Variants in COL4A2 observed in about 807,000 individuals in gnomAD.
COL4A2 encodes collagen type IV alpha 2 chain.
COL4A2 carries 99 observed loss-of-function variants against 200.2 expected under a neutral mutation model. The ratio of observed to expected loss-of-function variants is 0.49; its 90% confidence interval spans 0.42 to 0.58. COL4A2 has a LOEUF of 0.58. COL4A2 is among the 20% of genes least tolerant of loss of function. COL4A2 has a pLI of 0.00. For synonymous variants in COL4A2, 897 were observed against 900.6 expected (o/e 1.00, Z 0.07); for missense variants, 1,950 against 2,314.1 (o/e 0.84, Z 3.23).
chr13:110,480,167 T>C, intron 30 of COL4A2, 53 bp from the exon 31 acceptor site: 1 of 1,503,698 alleles, frequency 6.7e-7, no homozygotes, highest in Non-Finnish European at 8.9e-7. Context: ...AGAAGAGAAA[T>C]TTCCCCTGTG....
intron 33 of COL4A2, among the ~76,000 whole-genome samples, chr13:110,485,290 G>A (rs567777760): frequency 1.1e-3 from 174 of 152,248 alleles, no homozygotes; most frequent in African/African-American, 4.0e-3. Flanking sequence ...TTGGGAGGCC[G>A]AGGCGGGTGG....
chr13:110,330,551 G>A (rs1173964269), intron 3 of COL4A2, among the ~76,000 whole-genome samples: 1 of 152,186 alleles, frequency 6.6e-6, no homozygotes, highest in African/African-American at 2.4e-5. Context: ...ACCTCCTCAG[G>A]CCAGTATTTC....
In COL4A2 at chr13:110,307,813, C is replaced by G. The variant is rs947487153; in HGVS notation, c.-44-47C>G. On this transcript the variant is annotated intron_variant, in intron 1 of 47. Transcript: ENST00000360467. The surrounding 1 kb of genome is among the most constrained non-coding windows in gnomAD (Gnocchi z 5.0). ...GACCGAGACCGGCGGTGAGGATGGG[C>G]TGCCTCCCTCATCCTGCGCTAAACT... 6.8e-7 allele frequency: 1 copy of G among 1,474,076 alleles called. No individual in the cohort carries two copies. The allele number at this position is 1,474,076 out of a possible 1,614,324, so 91.3% of individuals were successfully genotyped here.
At chr13:110,424,395 G>A (rs925188133) in intron 4 of COL4A2, among the ~76,000 whole-genome samples, 11 of 101,810 alleles carry the variant, frequency 1.1e-4, no homozygotes, top group Non-Finnish European at 2.4e-4. Flanking sequence ...AGATAAAATT[G>A]TAGAAATTCA....
intron 3 of COL4A2, among the ~76,000 whole-genome samples, chr13:110,330,984 T>A (rs560223002): frequency 6.6e-6 from 1 of 152,252 alleles, no homozygotes; most frequent in East Asian, 1.9e-4. Context: ...CCATCACTAC[T>A]CATGAAATTG....
At chr13:110,446,920 T>C in intron 18 of COL4A2, 56 bp downstream of exon 18, 1 of 1,446,294 alleles carries the variant, frequency 6.9e-7, no homozygotes, top group Non-Finnish European at 9.6e-7. Flanking sequence ...TCTCTCCTGT[T>C]AGGGACACAG....
At chr13:110,459,826 C>G (rs1881951703) in intron 22 of COL4A2, 1 of 151,994 alleles carries the variant, frequency 6.6e-6, no homozygotes, top group African/African-American at 2.4e-5. Flanking sequence ...AGAACTGATT[C>G]AGCATTGTTG....
intron 3 of COL4A2, among the ~76,000 whole-genome samples, chr13:110,318,499 A>G (rs1049374542): frequency 1.1e-4 from 16 of 152,296 alleles, no homozygotes; most frequent in South Asian, 1.0e-3. Flanking sequence ...GCAAGCACCT[A>G]TAAGAGCCCC....
intron 3 of COL4A2, among the ~76,000 whole-genome samples, chr13:110,315,158 G>C (rs942205603): frequency 6.6e-6 from 1 of 152,166 alleles, no homozygotes; most frequent in East Asian, 1.9e-4. Context: ...CCTTAGCCCC[G>C]GGGGGATAAG....
intron 4 of COL4A2, among the ~76,000 whole-genome samples, chr13:110,419,684 TG>T (rs1462340637): frequency 6.6e-6 from 1 of 152,220 alleles, no homozygotes. Context: ...CTTTTCAGAC[TG>T]CAGCTTCCAA....
Position 110,353,737 on chromosome 13 carries a change from C to T in COL4A2, c.100-3735C>T, listed in dbSNP as rs117926289. Among the ~76,000 whole-genome samples, 16 of 152,344 alleles carry T rather than the reference C, an allele frequency of 1.1e-4. No homozygotes were observed. In the East Asian group the frequency reaches 3.1e-3, roughly 29 times the overall value. On this transcript the variant is annotated intron_variant, in intron 3 of 47. Coordinates refer to ENST00000360467, the MANE Select transcript of COL4A2 (RefSeq NM_001846.4). ...TAAATGTTGGAATTCCTAAGACTCT[C>T]TCTGGAGGACAGGTAAGATGTCAGT...
At chr13:110,313,328 T>C (rs1452209086) in intron 3 of COL4A2, among the ~76,000 whole-genome samples, 1 of 152,140 alleles carries the variant, frequency 6.6e-6, no homozygotes, top group Non-Finnish European at 1.5e-5. Context: ...TAATTTTTAT[T>C]TTGGTTACCC....
intron 3 of COL4A2, among the ~76,000 whole-genome samples, chr13:110,311,754 G>A (rs933497567): frequency 3.3e-5 from 5 of 152,232 alleles, no homozygotes; most frequent in Admixed American, 3.3e-4. Flanking sequence ...CAGCCTGAGG[G>A]ATCAAATATG....
At chr13:110,504,021 C>T (rs566440483) in intron 44 of COL4A2, 28 bp downstream of exon 44, 2 of 1,552,350 alleles carry the variant, frequency 1.3e-6, no homozygotes, top group African/African-American at 1.4e-5. Flanking sequence ...GGCCTGGAGC[C>T]CCTCGGGGCT....
intron 4 of COL4A2, among the ~76,000 whole-genome samples, chr13:110,361,596 A>G (rs1193575540): frequency 2.0e-5 from 3 of 152,228 alleles, no homozygotes; most frequent in African/African-American, 4.8e-5. Flanking sequence ...CACGAAGCAG[A>G]AATCACAAGC....
At chr13:110,318,748 G>C (rs895534209) in intron 3 of COL4A2, among the ~76,000 whole-genome samples, 3 of 152,162 alleles carry the variant, frequency 2.0e-5, no homozygotes, top group Non-Finnish European at 4.4e-5. Context: ...AGCAATCTTA[G>C]CATTGCGGTG....
At chr13:110,406,666 G>A (rs531928697) in intron 4 of COL4A2, among the ~76,000 whole-genome samples, 5 of 151,428 alleles carry the variant, frequency 3.3e-5, no homozygotes, top group African/African-American at 7.3e-5. Context: ...TACATTAGCC[G>A]AGACGCTTTT....
At chr13:110,503,313 C>T (rs1203693040) in intron 42 of COL4A2, 31 bp downstream of exon 42, 4 of 1,593,286 alleles carry the variant, frequency 2.5e-6, no homozygotes, top group Non-Finnish European at 2.6e-6. Flanking sequence ...GGGCCAGCAG[C>T]CCTGGCCACA....
chr13:110,397,988 G>A (rs9555696), intron 4 of COL4A2, among the ~76,000 whole-genome samples: 16,082 of 152,106 alleles, frequency 0.11, 1,298 homozygotes, highest in East Asian at 0.37. Context: ...GGGAAAACTC[G>A]CGAACAGATG....
Sources: allele counts gnomAD v4.1 joint callset (sites outside exome capture counted in the v4.1 genomes callset), GRCh38; gene constraint gnomAD v4.1.1; non-coding constraint Gnocchi (gnomAD v3.1); transcripts MANE v1.5; gene names NCBI Gene and HGNC (gene_info 2026-07-23, HGNC 2026-07-21).